PLEC: variants seen among roughly 807,000 people sequenced by gnomAD.
PLEC encodes the protein hemidesmosomal protein 1.
PLEC carries 216 observed loss-of-function variants against 392.8 expected under a neutral mutation model. The ratio of observed to expected loss-of-function variants is 0.55; its 90% CI spans 0.49 to 0.62. PLEC has a LOEUF of 0.62. Ranked by LOEUF, PLEC falls within the 20% of genes least tolerant of loss-of-function variation. The pLI, the probability that PLEC is intolerant of heterozygous loss-of-function variation, is 0.00. For missense variants in PLEC, 6,863 were observed against 6,563.4 expected, an observed-to-expected ratio of 1.05 and a Z score of -1.58; for synonymous variants, 3,621 against 2,980.6, an observed-to-expected ratio of 1.21 and a Z score of -7.00.
chr8:143,944,034 C>T (rs994808857), upstream of PLEC: 83 of 1,297,772 alleles, frequency 6.4e-5, no homozygotes, highest in Middle Eastern at 2.6e-4. Context: ...CCGCCCCATA[C>T]GCGGCGGCAG....
At chr8:143,974,412 A>T (rs1554745382), upstream of PLEC, among the ~76,000 whole-genome samples, 3 of 152,220 alleles carry the variant, frequency 2.0e-5, no homozygotes, top group African/African-American at 7.2e-5. This position sits in a 1 kb window ranked among gnomAD's most constrained non-coding sequence, Gnocchi z 5.9. Flanking sequence ...GTGCTGTGAA[A>T]AGCCCTGAAG....
rs782381723 is a variant in PLEC, at chr8:143,923,911, C to T, written c.6018G>A (p.Ala2006=). 7.5e-5 allele frequency: 120 copies of T among 1,595,056 alleles called. No homozygotes were observed. The highest frequency in any genetic ancestry group is 9.7e-5 in the Non-Finnish European group (114 of 1,178,240). ...TCAGCCGCTCGACTTCCTCCAGCGC[C>T]GCCTTCCGCTGCCGTGCGGCCTCCT... ...AEEEAARQRK[A]ALEEVERLKA... Residue 2006 remains alanine, a synonymous_variant, in exon 31 of 32, where the codon GCG becomes GCA. Coordinates refer to ENST00000345136, the MANE Select transcript of PLEC (RefSeq NM_201384.3).
chr8:143,917,512 C>T lies in PLEC; in HGVS notation c.12309G>A (p.Gln4103=), dbSNP rs1554672237. The T allele has an allele frequency of 6.2e-7, 1 of 1,613,954 alleles. No individual in the cohort carries two copies. Among genetic ancestry groups the T allele is most frequent in the South Asian group, 1.1e-5 (1 of 91,086 alleles). The part of the protein sequence containing the change: ...PNTEENLTYL[Q]LMERCITDPQ... ...GGTCAGTGATACAACGCTCCATCAGCTGCAGGTAGGTGAGGTTCTCCTCCG... is the reference window on the plus strand; with the variant it reads ...GGTCAGTGATACAACGCTCCATCAGTTGCAGGTAGGTGAGGTTCTCCTCCG... Residue 4103 remains glutamine, a synonymous_variant, in exon 32 of 32, where the codon CAG becomes CAA. Coordinates refer to ENST00000345136, the MANE Select transcript of PLEC (RefSeq NM_201384.3).
Position 143,931,602 on chromosome 8 carries a change from GCAGTGCCTC to G in PLEC, c.2227_2235del (p.Glu743_Leu745del). 6.2e-7 allele frequency: 1 copy of G among 1,600,318 alleles called. No homozygotes were observed. The highest frequency in any genetic ancestry group is 8.5e-7 in the Non-Finnish European group (1 of 1,173,920). Reference sequence around the variant, plus strand: ...GAGCGATCACAACTGTATTTCCTACGCAGTGCCTCCTGCAGCTTCTGCAACTGCCCCTCG... The same window carrying G: ...GAGCGATCACAACTGTATTTCCTACGCTGCAGCTTCTGCAACTGCCCCTCG... On this transcript the variant is annotated inframe_deletion, in exon 19 of 32. Coordinates refer to ENST00000345136, the MANE Select transcript of PLEC (RefSeq NM_201384.3).
chr8:143,972,679 T>A (rs112512349), intron 1 of PLEC, among the ~76,000 whole-genome samples: 6,767 of 152,274 alleles, frequency 0.044, 544 homozygotes, highest in African/African-American at 0.15. Flanking sequence ...CAATGCTGTG[T>A]CCACAACCGC....
chr8:143,943,601 G>A (rs1278377223), upstream of PLEC, among the ~76,000 whole-genome samples: 2 of 152,182 alleles, frequency 1.3e-5, no homozygotes, highest in East Asian at 1.9e-4. Flanking sequence ...AGCCCGCCCC[G>A]CCCTGGGACT....
In PLEC at chr8:143,937,328, G is replaced by C. The variant is rs1422932006; in HGVS notation, c.265-86C>G. On this transcript the variant is annotated intron_variant, in intron 3 of 31. Coordinates refer to ENST00000345136, the MANE Select transcript of PLEC (RefSeq NM_201384.3). The stretch of plus-strand genomic sequence containing the variant: ...CATGCCCCAAAGCGCCGCAGCAACC[G>C]AGCCAAGGGTCTTCCCCAGGGGGCA... The C allele has an allele frequency of 8.1e-6, 8 of 986,426 alleles. 1 individual carries two copies. The South Asian group carries it at 1.1e-4, about 13-fold the overall frequency. 61.1% of individuals were successfully genotyped at this position (986,426 alleles called of 1,614,324 possible). A position where few individuals can be genotyped will look rare whatever the true frequency, so the allele number is the denominator to read the frequency against.
upstream of PLEC, chr8:143,942,542 G>A: frequency 1.9e-6 from 3 of 1,546,868 alleles, no homozygotes; most frequent in Non-Finnish European, 1.7e-6. Flanking sequence ...GCCCTGGTTC[G>A]GCCCACGGAC....
Position 143,932,322 on chromosome 8 carries a change from G to A in PLEC, c.1977+78C>T, listed in dbSNP as rs538937204. 6 of 1,607,786 alleles carry A rather than the reference G, an allele frequency of 3.7e-6. No homozygotes were observed. In the South Asian group the frequency reaches 6.6e-5, roughly 18 times the overall value. Reference sequence around the variant, plus strand: ...CAAACTCGACCCAGGGCCCCCACTGGTCTCTGACCATAGGGGACGGCCAGG... The same window carrying A: ...CAAACTCGACCCAGGGCCCCCACTGATCTCTGACCATAGGGGACGGCCAGG... On this transcript the variant is annotated intron_variant, in intron 16 of 31. Transcript: ENST00000345136.
In PLEC at chr8:143,939,514, G is replaced by A. The variant is rs1301218300; in HGVS notation, c.-53C>T. 1.9e-6 allele frequency: 3 copies of A among 1,569,976 alleles called. No individual in the cohort carries two copies. The highest frequency in any genetic ancestry group is 1.7e-6 in the Non-Finnish European group (2 of 1,159,096). On this transcript the variant is annotated 5_prime_UTR_variant, in exon 1 of 32. Coordinates refer to ENST00000345136, the MANE Select transcript of PLEC (RefSeq NM_201384.3). Reference sequence around the variant, plus strand: ...CCCTCGGCCTCAGGCACGGTGCTCTGGGCAGCCCCGTGTGGCACACAGGCA... The same window carrying A: ...CCCTCGGCCTCAGGCACGGTGCTCTAGGCAGCCCCGTGTGGCACACAGGCA...
At chr8:143,947,365 C>T (rs1477862385) in intron 1 of PLEC, among the ~76,000 whole-genome samples, 2 of 152,236 alleles carry the variant, frequency 1.3e-5, no homozygotes, top group East Asian at 1.9e-4. Context: ...GGCCCCTGCC[C>T]GTTGCTGGTG....
chr8:143,956,415 A>C (rs1832597781), upstream of PLEC, among the ~76,000 whole-genome samples: 1 of 152,206 alleles, frequency 6.6e-6, no homozygotes, highest in East Asian at 1.9e-4. Context: ...AAAAAACTAA[A>C]AAACTATCCT....
At position 143,944,886 on chromosome 8, in the gene PLEC, A is replaced by C. The variant is rs555498509; in HGVS notation, c.523+5298T>G. ...GCGCGCAAGGACCGTCACCACCCAGACTTGGAACATGACGCACGGCGCCAG... is the reference window on the plus strand; with the variant it reads ...GCGCGCAAGGACCGTCACCACCCAGCCTTGGAACATGACGCACGGCGCCAG... On this transcript the variant is annotated intron_variant, in intron 1 of 31. Coordinates refer to the PLEC transcript ENST00000322810. The C allele has an allele frequency of 1.6e-5, 8 of 494,062 alleles. No individual in the cohort carries two copies. The South Asian group carries it at 3.1e-4, about 19-fold the overall frequency. The allele number at this position is 494,062 out of a possible 1,614,324, so 30.6% of individuals were successfully genotyped here. A position where few individuals can be genotyped will look rare whatever the true frequency, so the allele number is the denominator to read the frequency against.
chr8:143,921,122 T>G lies in PLEC; in HGVS notation c.8699A>C (p.Glu2900Ala). ...GGCCTTCTCAAAGACGTCCCGGGCCTCGGAGTCAGTGTAGACCAGCTCCCC... is the reference window on the plus strand; with the variant it reads ...GGCCTTCTCAAAGACGTCCCGGGCCGCGGAGTCAGTGTAGACCAGCTCCCC... Reference protein sequence around the residue: ...KGGELVYTDSEARDVFEKATV... With the variant: ...KGGELVYTDSAARDVFEKATV... Residue 2900 changes from glutamate (E) to alanine (A), a missense_variant, in exon 32 of 32, where the codon GAG becomes GCG. Glu to Ala is a moderately radical substitution (Grantham distance 107). Coordinates refer to ENST00000345136, the MANE Select transcript of PLEC (RefSeq NM_201384.3). The G allele has an allele frequency of 6.2e-7, 1 of 1,612,800 alleles. No homozygotes were observed. The highest frequency in any genetic ancestry group is 8.5e-7 in the Non-Finnish European group (1 of 1,180,018).
chr8:143,967,362 C>CA (rs869137248), intron 1 of PLEC, among the ~76,000 whole-genome samples: 952 of 46,776 alleles, frequency 0.02, 68 homozygotes, highest in Non-Finnish European at 0.026. Flanking sequence ...GACTCCATCT[C>CA]AAAAAAAAAA....
Position 143,932,154 on chromosome 8 carries a change from G to C in PLEC, c.2058C>G (p.Asp686Glu). The stretch of plus-strand genomic sequence containing the variant: ...CCTCCACCGTGGGCCGGGCCGGGTG[G>C]TCCTCCCGCAGCAGCCGGTCCCCAG... ...QNAGDRLLREDHPARPTVESF... is the reference protein window; with the variant it reads ...QNAGDRLLREEHPARPTVESF... The change falls in exon 17 of 32, where the codon GAC becomes GAG. Residue 686 changes from aspartate to glutamate, a missense_variant. Asp to Glu is a conservative substitution (Grantham distance 45). Coordinates refer to ENST00000345136, the MANE Select transcript of PLEC (RefSeq NM_201384.3). The C allele has an allele frequency of 6.2e-7, 1 of 1,611,728 alleles. No homozygotes were observed. Among genetic ancestry groups the C allele is most frequent in the Non-Finnish European group, 8.5e-7 (1 of 1,179,782 alleles).
chr8:143,931,060 C>A (rs893029195), intron 19 of PLEC, among the ~76,000 whole-genome samples: 3 of 152,198 alleles, frequency 2.0e-5, no homozygotes. Flanking sequence ...CCACTCTGCC[C>A]GCTCCAGATC....
intron 1 of PLEC, chr8:143,950,041 AG>A (rs1260722789): frequency 1.4e-5 from 15 of 1,084,572 alleles, no homozygotes; most frequent in South Asian, 3.5e-5. Context: ...ACCCTCGGCT[AG>A]GGGGGGCCAC....
rs200146147 is a variant in PLEC at position 143,950,541 on chromosome 8, G to C, written c.166C>G (p.Arg56Gly). ...GTCTCGCGGACCAGGCCCCGTGCCC[G>C]CAGGGACGCCATGGCACGCATGACC... Residue 56 changes from arginine (R) to glycine (G), a missense_variant, in exon 1 of 32, where the codon CGG becomes GGG. Physicochemically the swap from Arg to Gly is moderately radical, Grantham distance 125 (BLOSUM62 -2). Coordinates refer to the PLEC transcript ENST00000322810. 7.8e-5 allele frequency: 125 copies of C among 1,607,844 alleles called. 3 individuals are homozygous for C. The highest frequency in any genetic ancestry group is 6.5e-4 in the South Asian group (58 of 89,734).
Sources: gnomAD v4.1 joint callset for allele counts (sites outside exome capture counted in the v4.1 genomes callset) on GRCh38, gnomAD v4.1.1 for gene constraint, Gnocchi (gnomAD v3.1) non-coding constraint, MANE v1.5 for transcripts, NCBI Gene and HGNC (gene_info 2026-07-23, HGNC 2026-07-21) for gene names.